Variants in RHBDL2 observed in about 807,000 individuals in gnomAD.
RHBDL2 encodes the protein rhomboid like 2, also known as rhomboid-related protein 2.
RHBDL2 carries 26 observed loss-of-function variants against 31.7 expected under a neutral mutation model. That is an observed-to-expected ratio of 0.82 (90% CI 0.60 to 1.14). The LOEUF is 1.14. Ranked by LOEUF, RHBDL2 falls within the 50% of genes most tolerant of loss-of-function variation. RHBDL2 has a pLI of 0.00. For synonymous variants in RHBDL2, 123 were observed against 127.2 expected, an observed-to-expected ratio of 0.97 and a Z score of 0.22; for missense variants, 336 against 364.4, an observed-to-expected ratio of 0.92 and a Z score of 0.63.
Position 38,929,404 on chromosome 1 carries a change from T to G in RHBDL2, c.-125-10067A>C, listed in dbSNP as rs1206768033. 12 of 1,289,254 alleles carry G rather than the reference T, an allele frequency of 9.3e-6. No homozygotes were observed. In the Admixed American group the frequency reaches 2.8e-4, roughly 30 times the overall value. 79.9% of individuals were successfully genotyped at this position (1,289,254 alleles called of 1,614,324 possible). ...ACTAAATCAGGCTCACCTTCCCTTC[T>G]TCGCCTCACCCAGGAAGGCCCTGGC... On this transcript the variant is annotated intron_variant, in intron 1 of 7. Transcript: ENST00000372990.
intron 6 of RHBDL2, 123 bp from the exon 7 acceptor site, chr1:38,888,147 G>A (rs901200461): frequency 3.2e-6 from 2 of 615,982 alleles, no homozygotes; most frequent in African/African-American, 1.9e-5. Flanking sequence ...TCTGTGACAG[G>A]TGCTTTTCTA....
intron 4 of RHBDL2, among the ~76,000 whole-genome samples, chr1:38,903,972 T>G (rs1643028223): frequency 6.6e-6 from 1 of 152,168 alleles, no homozygotes; most frequent in South Asian, 2.1e-4. Flanking sequence ...CAACAGATAC[T>G]AAAGCAATTC....
intron 1 of RHBDL2, among the ~76,000 whole-genome samples, chr1:38,932,351 C>A (rs1643447630): frequency 6.6e-6 from 1 of 152,210 alleles, no homozygotes; most frequent in African/African-American, 2.4e-5. Context: ...TTGAATACAG[C>A]TGTGAATGAC....
rs1271842306 is a variant in RHBDL2 at position 38,897,615 on chromosome 1, T to TGA, written c.509-1548_509-1547dup. On this transcript the variant is annotated intron_variant, in intron 4 of 7. Coordinates refer to ENST00000372990, the MANE Select transcript of RHBDL2 (RefSeq NM_017821.5). ...CTGTGGTCCTTGCTACTCAAGAGGC[T>TGA]GAGCCAATAGGATCACTTGAGCCCA... 3.9e-5 allele frequency among the ~76,000 whole-genome samples: 6 copies of TGA among 152,112 alleles called. No individual in the cohort carries two copies. The South Asian group carries it at 6.2e-4, about 16-fold the overall frequency.
chr1:38,906,017 A>C (rs957524335), intron 4 of RHBDL2, among the ~76,000 whole-genome samples: 4 of 151,766 alleles, frequency 2.6e-5, no homozygotes, highest in Non-Finnish European at 5.9e-5. Context: ...CAGTGAGCCA[A>C]GATCGTGCCA....
Position 38,885,977 on chromosome 1 carries a change from G to A in RHBDL2, c.*527C>T, listed in dbSNP as rs1212719803. ...GTTTTGTTTTGTTTTTTGAGACCGA[G>A]TGTCGCTCTGTCACCCAGGCTGGAG... On this transcript the variant is annotated 3_prime_UTR_variant, in exon 8 of 8. Coordinates refer to ENST00000372990, the MANE Select transcript of RHBDL2 (RefSeq NM_017821.5). 1 of 152,342 alleles carries A rather than the reference G, an allele frequency of 6.6e-6. No individual in the cohort carries two copies. The highest frequency in any genetic ancestry group is 6.5e-5 in the Admixed American group (1 of 15,274). The allele number at this position is 152,342 out of a possible 1,614,324, so 9.4% of individuals were successfully genotyped here. A position where few individuals can be genotyped will look rare whatever the true frequency, so the allele number is the denominator to read the frequency against.
At chr1:38,931,974 T>G (rs1483748463) in intron 1 of RHBDL2, among the ~76,000 whole-genome samples, 4 of 152,220 alleles carry the variant, frequency 2.6e-5, no homozygotes, top group Non-Finnish European at 5.9e-5. Flanking sequence ...GCCCTGTGAC[T>G]GGTTTTGACC....
intron 1 of RHBDL2, among the ~76,000 whole-genome samples, chr1:38,932,283 A>C (rs1643446983): frequency 6.6e-6 from 1 of 152,152 alleles, no homozygotes; most frequent in South Asian, 2.1e-4. Context: ...GAAAAGCACC[A>C]AGGTGCCAGA....
chr1:38,887,971 C>A lies in RHBDL2; in HGVS notation c.724G>T (p.Gly242Trp). Reference sequence around the variant, plus strand: ...AAAGAAACTGAACTCACCGGAGACCCATCTTCAGGAACAAAGAACCTTCTA... The same window carrying A: ...AAAGAAACTGAACTCACCGGAGACCAATCTTCAGGAACAAAGAACCTTCTA... Reference protein sequence around the residue: ...LYRRFFVPEDGSPVSFAAHIA... With the variant: ...LYRRFFVPEDWSPVSFAAHIA... The change falls in exon 7 of 8, where the codon GGG becomes TGG. Residue 242 changes from glycine to tryptophan, a missense_variant. Coordinates refer to ENST00000372990, the MANE Select transcript of RHBDL2 (RefSeq NM_017821.5). The A allele has an allele frequency of 6.2e-7, 1 of 1,608,824 alleles. No homozygotes were observed. The highest frequency in any genetic ancestry group is 1.1e-5 in the South Asian group (1 of 90,902).
At chr1:38,907,337 C>T (rs1237266105) in intron 4 of RHBDL2, among the ~76,000 whole-genome samples, 4 of 151,574 alleles carry the variant, frequency 2.6e-5, no homozygotes, top group Non-Finnish European at 5.9e-5. Context: ...GTCAGGAGTT[C>T]GAGACCAGCC....
chr1:38,930,362 G>T (rs1339547693), intron 1 of RHBDL2, among the ~76,000 whole-genome samples: 4 of 152,258 alleles, frequency 2.6e-5, no homozygotes, highest in African/African-American at 9.6e-5. Context: ...CAAAAAAGAG[G>T]CATCCATGAT....
At position 38,912,985 on chromosome 1, in the gene RHBDL2, T is replaced by TA. The variant is rs780852288; in HGVS notation, c.396-1552_396-1551insT. Among the ~76,000 whole-genome samples the TA allele has an allele frequency of 1.5e-3, 216 of 139,798 alleles. 5 individuals carry two copies. Among genetic ancestry groups the TA allele is most frequent in the African/African-American group, 5.0e-3 (185 of 36,940 alleles). 91.7% of individuals were successfully genotyped at this position (139,798 alleles called of 152,430 possible). On this transcript the variant is annotated intron_variant, in intron 3 of 7. Coordinates refer to ENST00000372990, the MANE Select transcript of RHBDL2 (RefSeq NM_017821.5). Reference sequence around the variant, plus strand: ...ACACGTGTGTGTGTGTGTGTGTGTATTTTTTTTTTTTTCTTGAGACAGAGT... The same window carrying TA: ...ACACGTGTGTGTGTGTGTGTGTGTATATTTTTTTTTTTTCTTGAGACAGAGT...
intron 5 of RHBDL2, 76 bp from the exon 6 acceptor site, chr1:38,893,300 T>C (rs1642877022): frequency 3.0e-6 from 2 of 662,804 alleles, no homozygotes; most frequent in Non-Finnish European, 5.3e-6. Context: ...CCTCTTCATC[T>C]GCTCTTCATT....
At chr1:38,931,145 G>T (rs750986808) in intron 1 of RHBDL2, among the ~76,000 whole-genome samples, 1 of 152,196 alleles carries the variant, frequency 6.6e-6, no homozygotes, top group Non-Finnish European at 1.5e-5. Flanking sequence ...CCTGGCACTT[G>T]TATCTTTTCA....
At chr1:38,911,219 A>C (rs1302539829) in intron 4 of RHBDL2, 103 bp downstream of exon 4, 15 of 709,244 alleles carry the variant, frequency 2.1e-5, no homozygotes, top group Non-Finnish European at 3.5e-5. Context: ...TTAGGAGTGC[A>C]GTAAACCTTG....
At chr1:38,919,672 G>C (rs1276529615) in intron 1 of RHBDL2, among the ~76,000 whole-genome samples, 2 of 151,626 alleles carry the variant, frequency 1.3e-5, no homozygotes, top group Non-Finnish European at 2.9e-5. Flanking sequence ...GCAATGGCGA[G>C]ATCTCAGCTC....
At chr1:38,931,376 C>T (rs1192993092) in intron 1 of RHBDL2, among the ~76,000 whole-genome samples, 4 of 152,064 alleles carry the variant, frequency 2.6e-5, no homozygotes, top group East Asian at 1.9e-4. Flanking sequence ...AAAAAATTAG[C>T]TGGGCGTGTT....
At chr1:38,892,409 T>C (rs1242174215) in intron 6 of RHBDL2, among the ~76,000 whole-genome samples, 1 of 152,136 alleles carries the variant, frequency 6.6e-6, no homozygotes, top group East Asian at 1.9e-4. Context: ...GTGGTTCAAG[T>C]AGAGGGGGTG....
chr1:38,898,215 G>T (rs528965522), intron 4 of RHBDL2, among the ~76,000 whole-genome samples: 1 of 152,134 alleles, frequency 6.6e-6, no homozygotes, highest in African/African-American at 2.4e-5. Context: ...GAGGCACGAG[G>T]ATCACTTGAA....
Sources: gnomAD v4.1 joint callset for allele counts (sites outside exome capture counted in the v4.1 genomes callset) on GRCh38, gnomAD v4.1.1 for gene constraint, MANE v1.5 for transcripts, NCBI Gene and HGNC (gene_info 2026-07-23, HGNC 2026-07-21) for gene names.